The following GLE1 variants were observed in gnomAD, a reference collection of about 807,000 sequenced individuals.
GLE1 encodes mRNA export factor GLE1.
In GLE1, 78 loss-of-function variants were observed where a neutral mutation model predicts 97.3. That is an observed-to-expected ratio of 0.80 (90% CI 0.67 to 0.97). The LOEUF (loss-of-function observed/expected upper bound fraction) is 0.97. GLE1 is among the 50% of genes least tolerant of loss of function. The pLI is 0.00. For missense variants in GLE1, 753 were observed against 857.5 expected, an observed-to-expected ratio of 0.88 and a Z score of 1.52; for synonymous variants, 302 against 313.4, an observed-to-expected ratio of 0.96 and a Z score of 0.39.
At chr9:128,523,493 C>A (rs977121372) in intron 5 of GLE1, 99 bp from the exon 6 acceptor site, 5 of 1,481,794 alleles carry the variant, frequency 3.4e-6, no homozygotes, top group Non-Finnish European at 4.7e-6. Context: ...TGCTCTGAGC[C>A]CATCTGTGAA....
intron 9 of GLE1, among the ~76,000 whole-genome samples, chr9:128,531,380 A>G (rs1468101111): frequency 6.6e-6 from 1 of 151,660 alleles, no homozygotes; most frequent in Non-Finnish European, 1.5e-5. Context: ...TACAAATATT[A>G]GCCAGATGTG....
At chr9:128,519,407 AC>A (rs1270461240) in intron 3 of GLE1, among the ~76,000 whole-genome samples, 2 of 152,222 alleles carry the variant, frequency 1.3e-5, no homozygotes, top group Non-Finnish European at 2.9e-5. Context: ...GAAGGAGAAT[AC>A]GCGCCTGGGG....
In GLE1 at chr9:128,504,748, A is replaced by G. The variant is rs1846588740; in HGVS notation, c.-58A>G. The G allele has an allele frequency of 5.8e-6, 7 of 1,203,194 alleles. No individual in the cohort carries two copies. Among genetic ancestry groups the G allele is most frequent in the South Asian group, 4.8e-5 (4 of 83,202 alleles). 74.5% of individuals were successfully genotyped at this position (1,203,194 alleles called of 1,614,324 possible). Reference sequence around the variant, plus strand: ...GCCTGTGTGGCCTTCCCGGCGGCTGATTCGAGGGCTTGTTTGGTCAGAAGG... The same window carrying G: ...GCCTGTGTGGCCTTCCCGGCGGCTGGTTCGAGGGCTTGTTTGGTCAGAAGG... On this transcript the variant is annotated 5_prime_UTR_variant, in exon 1 of 16. Coordinates refer to ENST00000309971, the MANE Select transcript of GLE1 (RefSeq NM_001003722.2).
At chr9:128,511,883 C>G (rs916736527) in intron 2 of GLE1, among the ~76,000 whole-genome samples, 2 of 152,026 alleles carry the variant, frequency 1.3e-5, no homozygotes, top group Admixed American at 6.6e-5. Context: ...GCAATCTCGG[C>G]TTAATGCAAC....
At position 128,515,613 on chromosome 9, in the gene GLE1, G is replaced by T. The variant is rs373915964; in HGVS notation, c.406G>T (p.Glu136Ter). 1.9e-6 allele frequency: 3 copies of T among 1,588,924 alleles called. No homozygotes were observed. The highest frequency in any genetic ancestry group is 2.2e-5 in the East Asian group (1 of 44,752). ...IKVEGCVRMYELVHRMKGTEG... is the reference protein window; with the variant it reads ...IKVEGCVRMY The stretch of plus-strand genomic sequence containing the variant: ...AGTGGAAGGCTGCGTCCGAATGTAC[G>T]AACTGGTACACAGAATGAAAGGAAC... The change falls in exon 3 of 16, where the codon GAA becomes TAA. Residue 136 changes from glutamate to a stop codon, truncating the protein, a stop_gained. Coordinates refer to ENST00000309971, the MANE Select transcript of GLE1 (RefSeq NM_001003722.2). LOFTEE classifies it high-confidence loss of function.
chr9:128,538,484 A>G (rs1847790086), intron 13 of GLE1, among the ~76,000 whole-genome samples: 1 of 151,946 alleles, frequency 6.6e-6, no homozygotes, highest in South Asian at 2.1e-4. Context: ...CAGTATATTG[A>G]AACCCTGTCT....
chr9:128,507,854 C>CTCCA (rs1846685849), intron 1 of GLE1, among the ~76,000 whole-genome samples: 1 of 151,288 alleles, frequency 6.6e-6, no homozygotes. Flanking sequence ...TGCCACTGCA[C>CTCCA]TCCAGCCTGG....
At position 128,509,145 on chromosome 9, in the gene GLE1, C is replaced by A. The variant is rs757473697; in HGVS notation, c.321+48C>A. ...ACAAAAGACATGGTGGCTGCAAAGT[C>A]AAAATGTTTAATATTGTCATATGAC... On this transcript the variant is annotated intron_variant, in intron 2 of 15. Coordinates refer to ENST00000309971, the MANE Select transcript of GLE1 (RefSeq NM_001003722.2). 7.3e-6 allele frequency: 8 copies of A among 1,094,192 alleles called. 1 individual carries two copies. The South Asian group carries it at 9.9e-5, about 14-fold the overall frequency. 67.8% of individuals were successfully genotyped at this position (1,094,192 alleles called of 1,614,324 possible).
intron 1 of GLE1, among the ~76,000 whole-genome samples, chr9:128,507,202 T>A (rs1052384226): frequency 6.6e-6 from 1 of 152,150 alleles, no homozygotes; most frequent in Non-Finnish European, 1.5e-5. Context: ...TTCTATTTTT[T>A]AAAATATTAT....
At chr9:128,509,651 C>CA (rs200898903) in intron 2 of GLE1, among the ~76,000 whole-genome samples, 34,273 of 125,800 alleles carry the variant, frequency 0.27, 4,445 homozygotes, top group East Asian at 0.41. Flanking sequence ...CTCCTAAACG[C>CA]AAAAAAAAAA....
chr9:128,525,473 A>T, intron 7 of GLE1, 50 bp downstream of exon 7: 4 of 1,065,916 alleles, frequency 3.8e-6, no homozygotes, highest in Non-Finnish European at 5.7e-6. Context: ...TTCAAATGTG[A>T]AGAGAAACAA....
At chr9:128,516,012 A>T (rs1323344730) in intron 3 of GLE1, among the ~76,000 whole-genome samples, 1 of 148,014 alleles carries the variant, frequency 6.8e-6, no homozygotes, top group Admixed American at 6.8e-5. Flanking sequence ...ACTGGACTAC[A>T]GTGGTGTAAT....
chr9:128,526,000 T>TTTG lies in GLE1; in HGVS notation c.1129+601_1129+603dup, dbSNP rs542525999. 1.0e-3 allele frequency among the ~76,000 whole-genome samples: 155 copies of TTTG among 151,938 alleles called. No individual in the cohort carries two copies. The Middle Eastern group carries it at 0.01, about 10-fold the overall frequency. The stretch of plus-strand genomic sequence containing the variant: ...GAGCCAGATCAGTGGGAGTCTGGTT[T>TTTG]TTGTTGTTGTTGTTGTTGTTGTTGT... On this transcript the variant is annotated intron_variant, in intron 7 of 15. Coordinates refer to ENST00000309971, the MANE Select transcript of GLE1 (RefSeq NM_001003722.2).
At chr9:128,532,709 C>A in intron 9 of GLE1, 2 of 965,854 alleles carry the variant, frequency 2.1e-6, no homozygotes, top group Non-Finnish European at 2.5e-6. Context: ...GCCCCCACTG[C>A]TTGTGAGTGT....
rs1300120384 is a variant in GLE1, at chr9:128,525,335, G to A, written c.1041G>A (p.Lys347=). The A allele has an allele frequency of 6.2e-7, 1 of 1,613,798 alleles. No individual in the cohort carries two copies. The highest frequency in any genetic ancestry group is 8.5e-7 in the Non-Finnish European group (1 of 1,179,912). The change falls in exon 7 of 16, where the codon AAG becomes AAA. Residue 347 remains lysine (K), a synonymous_variant. Coordinates refer to ENST00000309971, the MANE Select transcript of GLE1 (RefSeq NM_001003722.2). ...RRQDEEEAQV[K]LQEAQMQQGP... is the part of the protein sequence containing the mutation. ...AGGATGAAGAAGAGGCCCAGGTAAA[G>A]CTGCAAGAGGCACAGATGCAGCAGG...
At position 128,518,697 on chromosome 9, in the gene GLE1, G is replaced by A. The variant is rs1039880530; in HGVS notation, c.432+3058G>A. On this transcript the variant is annotated intron_variant, in intron 3 of 15. Transcript: ENST00000309971. ...AGCCTGGCCAACATAGTGAAACCCC[G>A]TCTCTACTAAAAATACAAAAATTAG... Among the ~76,000 whole-genome samples, 8 of 152,042 alleles carry A rather than the reference G, an allele frequency of 5.3e-5. No individual in the cohort carries two copies. In the South Asian group the frequency reaches 6.2e-4, roughly 12 times the overall value.
intron 12 of GLE1, chr9:128,536,784 C>T: frequency 2.8e-6 from 1 of 363,358 alleles, no homozygotes; most frequent in Non-Finnish European, 5.3e-6. Context: ...AAATTGTCAT[C>T]TTAGAACTAG....
intron 1 of GLE1, 94 bp downstream of exon 1, chr9:128,504,998 G>A (rs1053470816): frequency 3.7e-5 from 30 of 809,126 alleles, no homozygotes; most frequent in South Asian, 2.7e-4. Flanking sequence ...CCGGGAACCC[G>A]TGCAGTCTAA....
At chr9:128,538,913 T>C (rs1847806167) in intron 13 of GLE1, among the ~76,000 whole-genome samples, 1 of 152,166 alleles carries the variant, frequency 6.6e-6, no homozygotes, top group Non-Finnish European at 1.5e-5. Flanking sequence ...ATAACAAATC[T>C]GGAACCATTT....
Sources: allele counts gnomAD v4.1 joint callset (sites outside exome capture counted in the v4.1 genomes callset), GRCh38; gene constraint gnomAD v4.1.1; transcripts MANE v1.5; gene names NCBI Gene and HGNC (gene_info 2026-07-23, HGNC 2026-07-21).